Variants in NPAS1 observed in about 807,000 individuals in gnomAD.
The protein encoded by NPAS1 is neuronal PAS domain protein 1, also known as neuronal PAS domain-containing protein 1.
In NPAS1, 29 loss-of-function variants were observed where a neutral mutation model predicts 49.2. The ratio of observed to expected loss-of-function variants is 0.59; its 90% CI spans 0.44 to 0.80. The LOEUF is 0.80. Ranked by LOEUF, NPAS1 falls within the 30% of genes least tolerant of loss-of-function variation. The pLI is 0.00. For missense variants in NPAS1, 825 were observed against 835.5 expected (o/e 0.99, Z 0.15); for synonymous variants, 408 against 380.4 (o/e 1.07, Z -0.84).
rs551784412 is a variant in NPAS1 at position 47,038,656 on chromosome 19, G to A, written c.689-380G>A. 4.6e-5 allele frequency among the ~76,000 whole-genome samples: 7 copies of A among 152,172 alleles called. No individual in the cohort carries two copies. The South Asian group carries it at 6.2e-4, about 14-fold the overall frequency. On this transcript the variant is annotated intron_variant, in intron 6 of 11. Transcript: ENST00000602212. ...AGCCTGGCCAACATGGCAAAACCCC[G>A]TCTCTACTAAAAATACAAAAATTAG...
At chr19:47,024,277 A>C (rs953011351) in intron 3 of NPAS1, among the ~76,000 whole-genome samples, 1 of 152,058 alleles carries the variant, frequency 6.6e-6, no homozygotes, top group Non-Finnish European at 1.5e-5. Flanking sequence ...ACAGAGCAAG[A>C]CTCAGTATCT....
chr19:47,041,032 G>T lies in NPAS1; in HGVS notation c.1124G>T (p.Gly375Val), dbSNP rs1283640170. 1 of 1,572,692 alleles carries T rather than the reference G, an allele frequency of 6.4e-7. No homozygotes were observed. The change falls in exon 10 of 12, where the codon GGG becomes GTG. Residue 375 changes from glycine to valine, a missense_variant. Gly to Val is a moderately radical substitution (Grantham distance 109). Coordinates refer to ENST00000602212, the MANE Select transcript of NPAS1 (RefSeq NM_002517.4). ...TGYYRWLQRA[G>V]GFVWLQSVAT... ...TACTACCGTTGGCTGCAGCGTGCCG[G>T]GGGCTTCGTGTGGCTGCAGTCTGTG...
chr19:47,037,585 G>C (rs1321315779), intron 6 of NPAS1, among the ~76,000 whole-genome samples: 1 of 152,056 alleles, frequency 6.6e-6, no homozygotes, highest in Non-Finnish European at 1.5e-5. Context: ...CTGTGTATGG[G>C]AGGGAGGGTG....
chr19:47,028,053 G>C (rs544059414), intron 3 of NPAS1, among the ~76,000 whole-genome samples: 2 of 152,000 alleles, frequency 1.3e-5, no homozygotes, highest in Admixed American at 6.6e-5. Flanking sequence ...GACCGGACCC[G>C]TGTATGGGGA....
intron 5 of NPAS1, chr19:47,035,348 A>T (rs1265192737): frequency 6.6e-6 from 1 of 152,404 alleles, no homozygotes; most frequent in Non-Finnish European, 1.5e-5. Flanking sequence ...CATGGCAGCC[A>T]TGGTGGTCAG....
At position 47,040,468 on chromosome 19, in the gene NPAS1, G is replaced by A. The variant is rs753630629; in HGVS notation, c.987G>A (p.Gly329=). The A allele has an allele frequency of 6.2e-7, 1 of 1,601,948 alleles. No homozygotes were observed. Among genetic ancestry groups the A allele is most frequent in the Non-Finnish European group, 8.5e-7 (1 of 1,174,898 alleles). ...ESRVSDHMDL[G]PSELVGRSCY... ...GAGTCAGCGACCACATGGACCTGGG[G>A]CCCTCAGAGCTGGTGGGCCGCAGCT... The change falls in exon 9 of 12, where the codon GGG becomes GGA. Residue 329 remains glycine (G), a synonymous_variant. Transcript: ENST00000602212.
rs2056827419 is a variant in NPAS1 at position 47,019,874 on chromosome 19, C to A, written c.-166C>A. ...GCCGAGAGCTGGGCGCCACAGCCCG[C>A]GCGTCCCGCTGCGCCCCGCGCGCCC... On this transcript the variant is annotated 5_prime_UTR_variant, in exon 1 of 12. Coordinates refer to ENST00000602212, the MANE Select transcript of NPAS1 (RefSeq NM_002517.4). The A allele has an allele frequency of 1.5e-5, 5 of 339,612 alleles. No individual in the cohort carries two copies. Among genetic ancestry groups the A allele is most frequent in the South Asian group, 2.7e-4 (2 of 7,394 alleles). The allele number at this position is 339,612 out of a possible 1,614,324, so 21.0% of individuals were successfully genotyped here. A position where few individuals can be genotyped will look rare whatever the true frequency, so the allele number is the denominator to read the frequency against.
At chr19:47,032,812 G>A (rs1254552169) in intron 5 of NPAS1, 80 bp downstream of exon 5, 8 of 1,042,030 alleles carry the variant, frequency 7.7e-6, no homozygotes, top group Non-Finnish European at 1.2e-5. Flanking sequence ...CCTCTCTCCT[G>A]GTCTCACCAT....
Position 47,045,744 on chromosome 19 carries a change from G to A in NPAS1, c.*93G>A. ...CTGCCCGTAGCCCTGAGAATTAAAC[G>A]CCGGCTCTCCCTGCAGTGGTTTGGG... On this transcript the variant is annotated 3_prime_UTR_variant, in exon 12 of 12. Transcript: ENST00000602212. 3 of 1,160,818 alleles carry A rather than the reference G, an allele frequency of 2.6e-6. No homozygotes were observed. The highest frequency in any genetic ancestry group is 1.7e-5 in the South Asian group (1 of 57,914). 71.9% of individuals were successfully genotyped at this position (1,160,818 alleles called of 1,614,324 possible).
At chr19:47,025,091 C>G (rs1433775652) in intron 3 of NPAS1, among the ~76,000 whole-genome samples, 1 of 135,100 alleles carries the variant, frequency 7.4e-6, no homozygotes, top group Non-Finnish European at 1.7e-5. Flanking sequence ...GCGCCGTGCC[C>G]GGCTTTTACA....
rs981642877 is a variant in NPAS1, at chr19:47,035,883, G to A, written c.523-81G>A. ...AGCGCACCTGCGTGCAGGCAAATGA[G>A]GCAAGGCTGAGCCCAGAGGGCGAGC... On this transcript the variant is annotated intron_variant, in intron 5 of 11. Coordinates refer to ENST00000602212, the MANE Select transcript of NPAS1 (RefSeq NM_002517.4). 2.1e-5 allele frequency: 29 copies of A among 1,405,650 alleles called. No individual in the cohort carries two copies. In the Admixed American group the frequency reaches 3.6e-4, roughly 18 times the overall value. The allele number at this position is 1,405,650 out of a possible 1,614,324, so 87.1% of individuals were successfully genotyped here.
chr19:47,038,222 G>A (rs1179658451), intron 6 of NPAS1, among the ~76,000 whole-genome samples: 1 of 152,188 alleles, frequency 6.6e-6, no homozygotes, highest in Non-Finnish European at 1.5e-5. Flanking sequence ...TTGAGCATTA[G>A]AAAGACGTAG....
In NPAS1 at chr19:47,021,242, T is replaced by C; in HGVS notation, c.122+73T>C. ...ATTCACACCCGATGTTCTGTCCCCG[T>C]GCCAAGGGGCAGTTCACACCCAGCT... is the stretch of plus-strand genomic sequence containing the variant. On this transcript the variant is annotated intron_variant, in intron 2 of 11. Transcript: ENST00000602212. This position sits in a 1 kb window ranked among gnomAD's most constrained non-coding sequence, Gnocchi z 5.7. 7.4e-7 allele frequency: 1 copy of C among 1,356,836 alleles called. No homozygotes were observed. The highest frequency in any genetic ancestry group is 2.5e-4 in the Middle Eastern group (1 of 3,928). The allele number at this position is 1,356,836 out of a possible 1,614,324, so 84.0% of individuals were successfully genotyped here.
At chr19:47,029,608 C>T (rs976729469) in intron 3 of NPAS1, among the ~76,000 whole-genome samples, 1 of 152,128 alleles carries the variant, frequency 6.6e-6, no homozygotes. Context: ...ACCATGTTGG[C>T]CAGGCTGGTC....
chr19:47,020,917 C>G, intron 1 of NPAS1, 89 bp from the exon 2 acceptor site: 1 of 285,522 alleles, frequency 3.5e-6, no homozygotes, highest in Non-Finnish European at 6.2e-6. Context: ...CAGCTCCTTG[C>G]TGGGACCCTG....
intron 1 of NPAS1, among the ~76,000 whole-genome samples, chr19:47,020,502 G>A (rs140033994): frequency 6.6e-6 from 1 of 151,860 alleles, no homozygotes; most frequent in Non-Finnish European, 1.5e-5. Flanking sequence ...CAGGATGGGG[G>A]TCCCTGCCCT....
At chr19:47,025,722 C>T (rs1044143534) in intron 3 of NPAS1, among the ~76,000 whole-genome samples, 1 of 151,586 alleles carries the variant, frequency 6.6e-6, no homozygotes, top group African/African-American at 2.4e-5. Context: ...ACTACAGGCA[C>T]ACGCCACCAC....
chr19:47,045,215 A>C lies in NPAS1; in HGVS notation c.1337A>C (p.Lys446Thr). ...GAGCCGGAGCCTCCGACGGAAGGGA[A>C]GCAGGCTGCCCCAGCGGAGAACGAG... ...PTEPEPPTEG[K>T]QAAPAENEAP... The change falls in exon 12 of 12, where the codon AAG becomes ACG. Residue 446 changes from lysine (K) to threonine (T), a missense_variant. Physicochemically the swap from Lys to Thr is moderately conservative, Grantham distance 78 (BLOSUM62 -1). Transcript: ENST00000602212. 6.2e-7 allele frequency: 1 copy of C among 1,613,746 alleles called. No homozygotes were observed. Among genetic ancestry groups the C allele is most frequent in the South Asian group, 1.1e-5 (1 of 91,086 alleles).
intron 10 of NPAS1, among the ~76,000 whole-genome samples, chr19:47,042,045 C>T (rs571262174): frequency 6.7e-6 from 1 of 150,354 alleles, no homozygotes; most frequent in African/African-American, 2.5e-5. Flanking sequence ...CAGTGGCTCA[C>T]GCCTGGAATC....
Sources: allele counts gnomAD v4.1 joint callset (sites outside exome capture counted in the v4.1 genomes callset), GRCh38; gene constraint gnomAD v4.1.1; non-coding constraint Gnocchi (gnomAD v3.1); transcripts MANE v1.5; gene names NCBI Gene and HGNC (gene_info 2026-07-23, HGNC 2026-07-21).